SLC22A3: variants seen among roughly 807,000 people sequenced by gnomAD.
SLC22A3 encodes solute carrier family 22 member 3.
In SLC22A3, 51 loss-of-function variants were observed where a neutral mutation model predicts 59.1. That is an observed-to-expected ratio of 0.86 (90% CI 0.69 to 1.09). SLC22A3 has a LOEUF of 1.09. SLC22A3 is among the 50% of genes least tolerant of loss of function. The probability of loss-of-function intolerance (pLI) is 0.00; values close to 1 mark genes in which losing one functional copy is unlikely to be tolerated. For synonymous variants in SLC22A3, 325 were observed against 292.0 expected (o/e 1.11, Z -1.15); for missense variants, 711 against 726.3 (o/e 0.98, Z 0.24).
intron 2 of SLC22A3, among the ~76,000 whole-genome samples, chr6:160,403,359 C>T (rs546852922): frequency 6.6e-6 from 1 of 151,930 alleles, no homozygotes; most frequent in Non-Finnish European, 1.5e-5. Flanking sequence ...ATTATATAGA[C>T]AATCTGAATA....
At chr6:160,429,883 A>G (rs946228512) in intron 5 of SLC22A3, among the ~76,000 whole-genome samples, 3 of 151,990 alleles carry the variant, frequency 2.0e-5, no homozygotes, top group Non-Finnish European at 4.4e-5. Flanking sequence ...CATTCTCTTT[A>G]TCTGAGGACC....
chr6:160,393,852 T>C (rs1562482218), intron 1 of SLC22A3, among the ~76,000 whole-genome samples: 1 of 152,358 alleles, frequency 6.6e-6, no homozygotes, highest in South Asian at 2.1e-4. Flanking sequence ...ATAATGTCTG[T>C]TTGGATTTTA....
intron 1 of SLC22A3, among the ~76,000 whole-genome samples, chr6:160,388,355 A>G (rs891249512): frequency 2.0e-5 from 3 of 152,232 alleles, no homozygotes; most frequent in African/African-American, 4.8e-5. Context: ...AGTGTGCATC[A>G]GAATCCCCTG....
At chr6:160,359,256 A>G (rs1035873299) in intron 1 of SLC22A3, among the ~76,000 whole-genome samples, 6 of 152,332 alleles carry the variant, frequency 3.9e-5, no homozygotes, top group African/African-American at 1.2e-4. Flanking sequence ...GTGGTGGGGC[A>G]CTAATTATGA....
Position 160,442,575 on chromosome 6 carries a change from T to C in SLC22A3, c.1289-186T>C, listed in dbSNP as rs192072073. On this transcript the variant is annotated intron_variant, in intron 7 of 10. Coordinates refer to ENST00000275300, the MANE Select transcript of SLC22A3 (RefSeq NM_021977.4). ...GAAAGGCATCTAGCGCTCTAAAATATTAGCTATCATCTAGTTTCATTGTTG... is the reference window on the plus strand; with the variant it reads ...GAAAGGCATCTAGCGCTCTAAAATACTAGCTATCATCTAGTTTCATTGTTG... Among the ~76,000 whole-genome samples, 20 of 152,360 alleles carry C rather than the reference T, an allele frequency of 1.3e-4. 1 individual carries two copies. Among genetic ancestry groups the C allele is most frequent in the East Asian group, 1.2e-3 (6 of 5,188 alleles).
chr6:160,387,012 C>T (rs2313453), intron 1 of SLC22A3, among the ~76,000 whole-genome samples: 70,697 of 152,024 alleles, frequency 0.47, 16,738 homozygotes, highest in East Asian at 0.56. Flanking sequence ...CAGGGTACAA[C>T]CTGGCACTGC....
At chr6:160,425,692 A>C (rs920539443) in intron 5 of SLC22A3, among the ~76,000 whole-genome samples, 1 of 152,188 alleles carries the variant, frequency 6.6e-6, no homozygotes, top group African/African-American at 2.4e-5. Context: ...GTGTGTTTTA[A>C]TTTTGATTGA....
chr6:160,351,406 C>T (rs939307843), intron 1 of SLC22A3, among the ~76,000 whole-genome samples: 1 of 152,190 alleles, frequency 6.6e-6, no homozygotes, highest in African/African-American at 2.4e-5. Flanking sequence ...TGAGCCACCG[C>T]GCCCAGCCTC....
In SLC22A3 at chr6:160,359,925, T is replaced by A. The variant is rs1220603333; in HGVS notation, c.429+11077T>A. Among the ~76,000 whole-genome samples, 4 of 152,248 alleles carry A rather than the reference T, an allele frequency of 2.6e-5. No homozygotes were observed. The East Asian group carries it at 7.7e-4, about 29-fold the overall frequency. Reference sequence around the variant, plus strand: ...ATTAATTATGACTCCTTTTTTGGATTTCACATTGGTACAGCATGACCTTTA... The same window carrying A: ...ATTAATTATGACTCCTTTTTTGGATATCACATTGGTACAGCATGACCTTTA... On this transcript the variant is annotated intron_variant, in intron 1 of 10. Coordinates refer to ENST00000275300, the MANE Select transcript of SLC22A3 (RefSeq NM_021977.4).
chr6:160,432,737 G>A (rs1027547513), intron 5 of SLC22A3, among the ~76,000 whole-genome samples: 8 of 152,246 alleles, frequency 5.3e-5, no homozygotes, highest in African/African-American at 1.9e-4. Context: ...CTGAAAAGAA[G>A]AAAGTAATTA....
At chr6:160,386,654 C>A (rs951380555) in intron 1 of SLC22A3, among the ~76,000 whole-genome samples, 1 of 152,186 alleles carries the variant, frequency 6.6e-6, no homozygotes, top group South Asian at 2.1e-4. Flanking sequence ...CCCTCCAGAT[C>A]CCATGCATAG....
chr6:160,361,902 G>T (rs9364552), intron 1 of SLC22A3, among the ~76,000 whole-genome samples: 2 of 152,132 alleles, frequency 1.3e-5, no homozygotes, highest in Admixed American at 6.5e-5. Flanking sequence ...GTGTGTCTGG[G>T]GAGCTTTCCC....
At chr6:160,417,657 T>C (rs998262573) in intron 5 of SLC22A3, among the ~76,000 whole-genome samples, 3 of 152,196 alleles carry the variant, frequency 2.0e-5, no homozygotes, top group Non-Finnish European at 4.4e-5. Context: ...ATGGCAATGA[T>C]ATTGCTTTGG....
At chr6:160,422,657 A>C (rs1787786114) in intron 5 of SLC22A3, among the ~76,000 whole-genome samples, 1 of 152,240 alleles carries the variant, frequency 6.6e-6, no homozygotes, top group African/African-American at 2.4e-5. Context: ...AAAGGCAAAC[A>C]GATTGAGACA....
chr6:160,399,737 C>G (rs1786682560), intron 2 of SLC22A3, among the ~76,000 whole-genome samples: 1 of 152,156 alleles, frequency 6.6e-6, no homozygotes, highest in South Asian at 2.1e-4. Context: ...ATTGGGGCTT[C>G]TGGTTTCCTG....
intron 1 of SLC22A3, among the ~76,000 whole-genome samples, chr6:160,365,786 T>G (rs1267513221): frequency 6.6e-6 from 1 of 152,156 alleles, no homozygotes; most frequent in Non-Finnish European, 1.5e-5. Flanking sequence ...GAAAGAGGTT[T>G]AATTGACTCA....
chr6:160,401,334 A>G (rs1279052972), intron 2 of SLC22A3, among the ~76,000 whole-genome samples: 1 of 152,004 alleles, frequency 6.6e-6, no homozygotes, highest in Non-Finnish European at 1.5e-5. Context: ...ACTATAGTAA[A>G]AGAGCAATGA....
intron 5 of SLC22A3, among the ~76,000 whole-genome samples, chr6:160,414,315 T>C (rs1787379422): frequency 6.6e-6 from 1 of 152,224 alleles, no homozygotes; most frequent in African/African-American, 2.4e-5. Flanking sequence ...AGTGCTTAAA[T>C]AAAGACCAAT....
chr6:160,440,503 A>G (rs1485529826), intron 7 of SLC22A3, among the ~76,000 whole-genome samples: 1 of 152,216 alleles, frequency 6.6e-6, no homozygotes, highest in Non-Finnish European at 1.5e-5. Flanking sequence ...ATCCACATTC[A>G]GAAGAAAACA....
Sources: gnomAD v4.1 joint callset for allele counts (sites outside exome capture counted in the v4.1 genomes callset) on GRCh38, gnomAD v4.1.1 for gene constraint, MANE v1.5 for transcripts, NCBI Gene and HGNC (gene_info 2026-07-23, HGNC 2026-07-21) for gene names.